The following EDAR variants were observed in gnomAD, a reference collection of about 807,000 sequenced individuals.
EDAR encodes the protein ectodysplasin A receptor.
A neutral mutation model predicts 51.3 loss-of-function variants in EDAR; 38 were observed. That is an observed-to-expected ratio of 0.74 (90% CI 0.57 to 0.97). The LOEUF (loss-of-function observed/expected upper bound fraction) is 0.97, where lower values mean the gene tolerates loss of function less well. Ranked by LOEUF, EDAR falls within the 50% of genes least tolerant of loss-of-function variation. The pLI, the probability that EDAR is intolerant of heterozygous loss-of-function variation, is 0.00. For missense variants in EDAR, 528 were observed against 595.0 expected, an observed-to-expected ratio of 0.89 and a Z score of 1.17; for synonymous variants, 227 against 242.1, an observed-to-expected ratio of 0.94 and a Z score of 0.58.
chr2:108,978,511 C>G (rs1698367875), intron 1 of EDAR, among the ~76,000 whole-genome samples: 2 of 152,186 alleles, frequency 1.3e-5, no homozygotes, highest in Non-Finnish European at 2.9e-5. Flanking sequence ...CCGAGGGAGC[C>G]ACGGGCTTAG....
rs114749141 is a variant in EDAR at position 108,985,514 on chromosome 2, A to G, written c.-19+3446T>C. 3.3e-3 allele frequency among the ~76,000 whole-genome samples: 499 copies of G among 152,328 alleles called. 2 individuals carry two copies. Among genetic ancestry groups the G allele is most frequent in the African/African-American group, 0.011 (463 of 41,568 alleles). On this transcript the variant is annotated intron_variant, in intron 1 of 11. Transcript: ENST00000258443. ...TCCATAGTCCTCTGTTTTCTCGGAAATGGAAAACAAAGGCATCCTGGCTGG... is the reference window on the plus strand; with the variant it reads ...TCCATAGTCCTCTGTTTTCTCGGAAGTGGAAAACAAAGGCATCCTGGCTGG...
intron 9 of EDAR, among the ~76,000 whole-genome samples, chr2:108,909,108 T>C (rs534471802): frequency 6.6e-6 from 1 of 152,344 alleles, no homozygotes; most frequent in South Asian, 2.1e-4. Context: ...TCAATTTGTA[T>C]TTAATATTCG....
chr2:108,956,857 C>T (rs537512380), intron 1 of EDAR, among the ~76,000 whole-genome samples: 5 of 151,914 alleles, frequency 3.3e-5, no homozygotes, highest in Non-Finnish European at 7.4e-5. Context: ...GGCACGATCT[C>T]AGCACACCGC....
Position 108,907,937 on chromosome 2 carries a change from C to G in EDAR, c.886G>C (p.Gly296Arg), listed in dbSNP as rs767366642. 6.2e-7 allele frequency: 1 copy of G among 1,613,564 alleles called. No homozygotes were observed. Among genetic ancestry groups the G allele is most frequent in the Non-Finnish European group, 8.5e-7 (1 of 1,180,036 alleles). The part of the protein sequence containing the change: ...SDEEPAPDKQ[G>R]SPELCLLSLV... ...GACAGCAGGCACAGCTCCGGGGAGC[C>G]CTGCTTGTCAGGGGCGGGCTCCTCA... Residue 296 changes from glycine (G) to arginine (R), a missense_variant, in exon 10 of 12, where the codon GGC (glycine) becomes CGC (arginine). Coordinates refer to ENST00000258443, the MANE Select transcript of EDAR (RefSeq NM_022336.4).
chr2:108,912,627 A>C, intron 6 of EDAR, 51 bp downstream of exon 6: 1 of 1,503,654 alleles, frequency 6.7e-7, no homozygotes, highest in East Asian at 2.4e-5. Context: ...CTGAGCTTTC[A>C]TCCGAGTACC....
intron 10 of EDAR, 126 bp from the exon 11 acceptor site, chr2:108,906,494 C>A: frequency 1.0e-6 from 1 of 968,044 alleles, no homozygotes; most frequent in East Asian, 2.5e-5. Flanking sequence ...ACACAGCCCC[C>A]GTGTCAGCAG....
intron 11 of EDAR, among the ~76,000 whole-genome samples, chr2:108,900,903 A>G (rs1696686105): frequency 6.6e-6 from 1 of 152,236 alleles, no homozygotes; most frequent in South Asian, 2.1e-4. Context: ...TGTGAAACAA[A>G]AACTGATAGA....
chr2:108,935,345 G>T (rs1454251356), intron 1 of EDAR, among the ~76,000 whole-genome samples: 1 of 152,194 alleles, frequency 6.6e-6, no homozygotes, highest in Non-Finnish European at 1.5e-5. Flanking sequence ...CCCTGGACCA[G>T]CAGCATTAGC....
At chr2:108,955,668 T>A (rs1686975959) in intron 1 of EDAR, among the ~76,000 whole-genome samples, 1 of 152,200 alleles carries the variant, frequency 6.6e-6, no homozygotes, top group East Asian at 1.9e-4. Flanking sequence ...ATCACACCAC[T>A]GCACTATAGC....
intron 1 of EDAR, among the ~76,000 whole-genome samples, chr2:108,968,950 A>G (rs77304476): frequency 0.01 from 1,545 of 152,302 alleles, 24 homozygotes; most frequent in Middle Eastern, 0.02. Context: ...GTAAGACTTC[A>G]CTGCTCTGTG....
At chr2:108,912,575 A>G (rs1696947076) in intron 6 of EDAR, 103 bp downstream of exon 6, 2 of 1,092,936 alleles carry the variant, frequency 1.8e-6, no homozygotes, top group Non-Finnish European at 2.7e-6. Flanking sequence ...CAGGTGGGGA[A>G]GCGCACCATA....
intron 8 of EDAR, 70 bp from the exon 9 acceptor site, chr2:108,910,602 C>T: frequency 2.8e-6 from 4 of 1,437,252 alleles, no homozygotes; most frequent in Admixed American, 1.8e-5. Context: ...TCAGCCCAAC[C>T]CTGCTCTTCC....
At chr2:108,914,302 G>GA (rs940384289) in intron 5 of EDAR, among the ~76,000 whole-genome samples, 2 of 151,958 alleles carry the variant, frequency 1.3e-5, no homozygotes, top group African/African-American at 4.8e-5. Flanking sequence ...TAAAAATCTG[G>GA]AAAAATAAGA....
At chr2:108,956,828 G>T (rs1333275930) in intron 1 of EDAR, among the ~76,000 whole-genome samples, 2 of 148,718 alleles carry the variant, frequency 1.3e-5, no homozygotes, top group Non-Finnish European at 3.0e-5. Flanking sequence ...TGTTCTTGTT[G>T]CCCAGGCTAC....
chr2:108,935,931 C>T (rs1342323434), intron 1 of EDAR, among the ~76,000 whole-genome samples: 1 of 152,226 alleles, frequency 6.6e-6, no homozygotes, highest in Non-Finnish European at 1.5e-5. Flanking sequence ...GAATGGCCTT[C>T]ACCCTTGGTG....
At chr2:108,911,105 A>G in intron 6 of EDAR, 33 bp from the exon 7 acceptor site, 1 of 1,613,646 alleles carries the variant, frequency 6.2e-7, no homozygotes, top group Non-Finnish European at 8.5e-7. Context: ...AATGACCCAG[A>G]GCTCAGGATC....
At chr2:108,984,027 G>C (rs1424313656) in intron 1 of EDAR, among the ~76,000 whole-genome samples, 1 of 152,200 alleles carries the variant, frequency 6.6e-6, no homozygotes, top group Non-Finnish European at 1.5e-5. Flanking sequence ...TTCTTTCTCT[G>C]CACAACTTAT....
At chr2:108,975,451 G>C (rs1698305217) in intron 1 of EDAR, among the ~76,000 whole-genome samples, 1 of 152,182 alleles carries the variant, frequency 6.6e-6, no homozygotes, top group African/African-American at 2.4e-5. Context: ...GCACATGAGA[G>C]CAAGACCTGC....
intron 4 of EDAR, among the ~76,000 whole-genome samples, chr2:108,924,354 C>T (rs537301078): frequency 8.5e-5 from 13 of 152,228 alleles, no homozygotes; most frequent in African/African-American, 1.9e-4. Flanking sequence ...CCAGCTCGGG[C>T]GCCTTCCCTC....
Sources: gnomAD v4.1 joint callset for allele counts (sites outside exome capture counted in the v4.1 genomes callset) on GRCh38, gnomAD v4.1.1 for gene constraint, MANE v1.5 for transcripts, NCBI Gene and HGNC (gene_info 2026-07-23, HGNC 2026-07-21) for gene names.